The following GASK1A variants were observed in gnomAD, a reference collection of about 807,000 sequenced individuals.
GASK1A encodes golgi associated kinase 1A.
Under a neutral mutation model 41.2 loss-of-function variants are expected in GASK1A, and 40 were observed. The observed-to-expected ratio is 0.97, with a 90% CI of 0.75 to 1.27. The LOEUF is 1.27. Among genes scored for constraint, GASK1A ranks in the 50% most tolerant of loss-of-function variants. The probability of loss-of-function intolerance (pLI) is 0.00; values close to 1 mark genes in which losing one functional copy is unlikely to be tolerated. For missense variants in GASK1A, 678 were observed against 745.1 expected (o/e 0.91, Z 1.05); for synonymous variants, 316 against 307.1 (o/e 1.03, Z -0.30).
At position 43,032,290 on chromosome 3, in the gene GASK1A, G is replaced by A; in HGVS notation, c.27G>A (p.Leu9=). The A allele has an allele frequency of 6.5e-7, 1 of 1,528,886 alleles. No homozygotes were observed. Among genetic ancestry groups the A allele is most frequent in the Non-Finnish European group, 8.9e-7 (1 of 1,129,692 alleles). The allele number at this position is 1,528,886 out of a possible 1,614,324, so 94.7% of individuals were successfully genotyped here. A position where few individuals can be genotyped will look rare whatever the true frequency, so the allele number is the denominator to read the frequency against. ...AGGCGTCTTGGCTCCGGAGAAAGCT[G>A]CGTGGCAAGAGGCGGCCAGTGATAG... MASWLRRK[L]RGKRRPVIAF... Residue 9 remains leucine, a synonymous_variant, in exon 2 of 5, where the codon CTG becomes CTA. Coordinates refer to ENST00000430121, the MANE Select transcript of GASK1A (RefSeq NM_001129908.3).
chr3:43,037,154 T>C, intron 2 of GASK1A: 1 of 1,044,268 alleles, frequency 9.6e-7, no homozygotes, highest in Non-Finnish European at 1.5e-6. Context: ...GACCTCCTTA[T>C]GCTGCTTCAG....
chr3:43,032,725 C>G lies in GASK1A; in HGVS notation c.462C>G (p.Pro154=). 6.4e-7 allele frequency: 1 copy of G among 1,551,534 alleles called. No homozygotes were observed. Among genetic ancestry groups the G allele is most frequent in the Non-Finnish European group, 8.7e-7 (1 of 1,146,986 alleles). ...GDPGTKDLGH[P]QHGSPIQETQ... is the part of the protein sequence containing the mutation. Reference sequence around the variant, plus strand: ...CAGGAACCAAAGACCTGGGCCACCCCCAGCATGGCAGTCCCATCCAGGAGA... The same window carrying G: ...CAGGAACCAAAGACCTGGGCCACCCGCAGCATGGCAGTCCCATCCAGGAGA... The change falls in exon 2 of 5, where the codon CCC becomes CCG. Residue 154 remains proline (P), a synonymous_variant. Coordinates refer to ENST00000430121, the MANE Select transcript of GASK1A (RefSeq NM_001129908.3).
At chr3:42,999,986 A>G (rs891795325) in intron 1 of GASK1A, among the ~76,000 whole-genome samples, 18 of 152,110 alleles carry the variant, frequency 1.2e-4, no homozygotes, top group African/African-American at 4.3e-4. Context: ...TAATACGGAC[A>G]CTTGTGATCA....
Position 42,979,640 on chromosome 3 carries a change from G to T in GASK1A, c.-3G>T. 8.0e-7 allele frequency: 1 copy of T among 1,244,976 alleles called. No individual in the cohort carries two copies. The highest frequency in any genetic ancestry group is 1.0e-6 in the Non-Finnish European group (1 of 987,684). The allele number at this position is 1,244,976 out of a possible 1,614,324, so 77.1% of individuals were successfully genotyped here. A position where few individuals can be genotyped will look rare whatever the true frequency, so the allele number is the denominator to read the frequency against. ...AGGAGCCGGCCGGGGCACCGCCGGG[G>T]ACATGGTAGGACTCGCGGGAAGGAA... is the stretch of plus-strand genomic sequence containing the variant. On this transcript the variant is annotated 5_prime_UTR_variant, in exon 1 of 5. Coordinates refer to ENST00000430121, the MANE Select transcript of GASK1A (RefSeq NM_001129908.3).
At chr3:43,045,782 T>C (rs1206113998) in intron 2 of GASK1A, among the ~76,000 whole-genome samples, 1 of 152,146 alleles carries the variant, frequency 6.6e-6, no homozygotes, top group Non-Finnish European at 1.5e-5. Flanking sequence ...AATTGAATCA[T>C]GGGGGTTGGT....
In GASK1A at chr3:43,056,377, G is replaced by A; in HGVS notation, c.1719G>A (p.Glu573=). 1 of 1,544,864 alleles carries A rather than the reference G, an allele frequency of 6.5e-7. No homozygotes were observed. Among genetic ancestry groups the A allele is most frequent in the Non-Finnish European group, 8.7e-7 (1 of 1,143,662 alleles). ...ACAACCTCACACTCTTCAGGGACGAGGACCCATAAGCCGCACACAGCCCTG... is the reference window on the plus strand; with the variant it reads ...ACAACCTCACACTCTTCAGGGACGAAGACCCATAAGCCGCACACAGCCCTG... ...QKHNLTLFRD[E]DP Residue 573 remains glutamate, a synonymous_variant, in exon 5 of 5, where the codon GAG becomes GAA. Transcript: ENST00000430121.
intron 3 of GASK1A, 133 bp from the exon 4 acceptor site, chr3:43,055,299 G>A: frequency 1.6e-6 from 1 of 633,844 alleles, no homozygotes; most frequent in Middle Eastern, 2.6e-4. Context: ...TCAGCGGTGA[G>A]GACTGTTTGT....
chr3:43,035,848 A>G (rs2089601444), intron 2 of GASK1A, among the ~76,000 whole-genome samples: 1 of 152,224 alleles, frequency 6.6e-6, no homozygotes, highest in African/African-American at 2.4e-5. Context: ...AAAGTTGAGA[A>G]ATTGAGGCCC....
chr3:43,025,375 T>C (rs1352662428), intron 1 of GASK1A, among the ~76,000 whole-genome samples: 1 of 152,180 alleles, frequency 6.6e-6, no homozygotes, highest in Non-Finnish European at 1.5e-5. Context: ...TGGACAGTGC[T>C]ACCTTTTAGC....
At chr3:43,031,259 G>C (rs2089574488) in intron 1 of GASK1A, among the ~76,000 whole-genome samples, 1 of 152,194 alleles carries the variant, frequency 6.6e-6, no homozygotes, top group South Asian at 2.1e-4. Context: ...CACAGGTACA[G>C]AGACTCCCAA....
rs982219413 is a variant in GASK1A, at chr3:43,034,923, G to C, written c.1290+1370G>C. Among the ~76,000 whole-genome samples the C allele has an allele frequency of 2.0e-5, 3 of 152,278 alleles. No individual in the cohort carries two copies. In the Middle Eastern group the frequency reaches 0.01, roughly 518 times the overall value. On this transcript the variant is annotated intron_variant, in intron 2 of 4. Transcript: ENST00000430121. ...TCACCTACTGTCCTCCCGGCCTCTT[G>C]AATGTTACCCCAGTCTGCCTGCAGA... is the stretch of plus-strand genomic sequence containing the variant.
chr3:43,056,286 G>T lies in GASK1A; in HGVS notation c.1628G>T (p.Gly543Val). 1 of 1,551,700 alleles carries T rather than the reference G, an allele frequency of 6.4e-7. No homozygotes were observed. ...VFWESQGGAQ[G>V]LKQVLQTLEQ... ...TGGGAAAGCCAAGGCGGAGCCCAGG[G>T]GCTGAAGCAGGTCCTCCAGACCCTG... The change falls in exon 5 of 5, where the codon GGG becomes GTG. Residue 543 changes from glycine (G) to valine (V), a missense_variant. Gly to Val is a moderately radical substitution (Grantham distance 109). Transcript: ENST00000430121.
intron 1 of GASK1A, among the ~76,000 whole-genome samples, chr3:43,024,357 T>C (rs140912296): frequency 6.6e-6 from 1 of 152,342 alleles, no homozygotes; most frequent in Non-Finnish European, 1.5e-5. Flanking sequence ...CAGCTGCATT[T>C]GCTCTCGCAA....
chr3:43,022,043 C>T (rs1225768263), intron 1 of GASK1A, among the ~76,000 whole-genome samples: 12 of 152,154 alleles, frequency 7.9e-5, no homozygotes, highest in Non-Finnish European at 1.3e-4. Flanking sequence ...TGTGTAATTT[C>T]GATGGTTAGA....
intron 1 of GASK1A, among the ~76,000 whole-genome samples, chr3:43,009,662 A>G (rs1004632250): frequency 5.3e-5 from 8 of 152,230 alleles, no homozygotes; most frequent in Non-Finnish European, 8.8e-5. Flanking sequence ...CATTGTGAGA[A>G]TATCTGGAGG....
chr3:43,045,482 A>G (rs1267974833), intron 2 of GASK1A, among the ~76,000 whole-genome samples: 1 of 152,254 alleles, frequency 6.6e-6, no homozygotes, highest in East Asian at 1.9e-4. Flanking sequence ...ATAATATATA[A>G]GATATGCACA....
At chr3:42,989,218 G>A (rs148023613) in intron 1 of GASK1A, among the ~76,000 whole-genome samples, 3 of 152,280 alleles carry the variant, frequency 2.0e-5, no homozygotes, top group Admixed American at 6.5e-5. Context: ...TAGGGGGAGA[G>A]GGTTGCAGGG....
intron 2 of GASK1A, among the ~76,000 whole-genome samples, chr3:43,038,196 G>A (rs896805137): frequency 1.3e-5 from 2 of 152,150 alleles, no homozygotes; most frequent in African/African-American, 4.8e-5. Context: ...TGAACTATGT[G>A]GTTTTGAATC....
At chr3:43,022,699 G>A (rs1348556757) in intron 1 of GASK1A, among the ~76,000 whole-genome samples, 1 of 152,168 alleles carries the variant, frequency 6.6e-6, no homozygotes, top group Non-Finnish European at 1.5e-5. Flanking sequence ...ACTTATATAT[G>A]ATGAAAGGGT....
Sources: allele counts gnomAD v4.1 joint callset (sites outside exome capture counted in the v4.1 genomes callset), GRCh38; gene constraint gnomAD v4.1.1; transcripts MANE v1.5; gene names NCBI Gene and HGNC (gene_info 2026-07-23, HGNC 2026-07-21).